DPYD: variants seen among roughly 807,000 people sequenced by gnomAD.
The protein encoded by DPYD is dihydropyrimidine dehydrogenase.
A neutral mutation model predicts 116.2 loss-of-function variants in DPYD; 109 were observed. That is an observed-to-expected ratio of 0.94 (90% confidence interval 0.80 to 1.10). DPYD has a LOEUF of 1.10. Ranked by LOEUF, DPYD falls within the 50% of genes least tolerant of loss-of-function variation. DPYD has a pLI of 0.00. For missense variants in DPYD, 1,302 were observed against 1,254.5 expected (o/e 1.04, Z -0.57); for synonymous variants, 440 against 432.0 (o/e 1.02, Z -0.23).
At chr1:97,686,636 C>CAAAAAAACAAA (rs1660748319) in intron 7 of DPYD, among the ~76,000 whole-genome samples, 1 of 10,054 alleles carries the variant, frequency 9.9e-5, no homozygotes, top group African/African-American at 3.4e-4. Context: ...GACTCTGTCT[C>CAAAAAAACAAA]AAAAAAAAAA....
intron 20 of DPYD, among the ~76,000 whole-genome samples, chr1:97,146,116 TTGTC>T (rs1557891717): frequency 6.6e-6 from 1 of 152,192 alleles, no homozygotes; most frequent in African/African-American, 2.4e-5. Flanking sequence ...TTTTGCTTTT[TTGTC>T]TGTCTGTTGA....
chr1:97,529,838 C>T (rs1649460946), intron 12 of DPYD, among the ~76,000 whole-genome samples: 1 of 145,024 alleles, frequency 6.9e-6, no homozygotes, highest in African/African-American at 2.5e-5. Context: ...TCTCTCTCTT[C>T]TCTCTCCCTT....
At chr1:97,293,840 C>T (rs6696988) in intron 18 of DPYD, among the ~76,000 whole-genome samples, 16,051 of 151,350 alleles carry the variant, frequency 0.11, 1,511 homozygotes, top group African/African-American at 0.26. Context: ...CCCAGCTACT[C>T]GGGAAGCTGA....
At chr1:97,156,258 T>C (rs1655446058) in intron 20 of DPYD, among the ~76,000 whole-genome samples, 1 of 152,108 alleles carries the variant, frequency 6.6e-6, no homozygotes, top group Non-Finnish European at 1.5e-5. Flanking sequence ...TTCTTTAGCC[T>C]CCAGGGTTCC....
chr1:97,682,943 T>C (rs1660505111), intron 7 of DPYD, among the ~76,000 whole-genome samples: 1 of 152,058 alleles, frequency 6.6e-6, no homozygotes, highest in Admixed American at 6.6e-5. Context: ...TGAGCCAAAG[T>C]TCCATCTAAT....
At chr1:97,358,058 C>T (rs777260629) in intron 16 of DPYD, among the ~76,000 whole-genome samples, 11 of 152,128 alleles carry the variant, frequency 7.2e-5, no homozygotes, top group Admixed American at 1.3e-4. Flanking sequence ...CAAGGGATGC[C>T]GTGAGAGATG....
At chr1:97,557,792 T>A (rs150183198) in intron 11 of DPYD, among the ~76,000 whole-genome samples, 1 of 152,182 alleles carries the variant, frequency 6.6e-6, no homozygotes, top group Non-Finnish European at 1.5e-5. Context: ...TAAAGAAGAA[T>A]GTTAGAAAAA....
At chr1:97,348,847 C>T (rs1043363093) in intron 16 of DPYD, among the ~76,000 whole-genome samples, 5 of 152,108 alleles carry the variant, frequency 3.3e-5, no homozygotes, top group African/African-American at 1.2e-4. Context: ...GAATATTGAT[C>T]CAGATGTTAA....
chr1:97,482,992 T>C (rs1678408762), intron 13 of DPYD, among the ~76,000 whole-genome samples: 1 of 152,186 alleles, frequency 6.6e-6, no homozygotes, highest in African/African-American at 2.4e-5. Context: ...CGCTCTCTCA[T>C]TTCACTCTCA....
At chr1:97,478,965 T>C (rs1206994977) in intron 13 of DPYD, among the ~76,000 whole-genome samples, 3 of 152,202 alleles carry the variant, frequency 2.0e-5, no homozygotes, top group Non-Finnish European at 4.4e-5. Context: ...CTTCTGCAGC[T>C]CCCTTACCTC....
At chr1:97,551,859 T>C (rs1019137600) in intron 11 of DPYD, among the ~76,000 whole-genome samples, 1 of 152,172 alleles carries the variant, frequency 6.6e-6, no homozygotes, top group Non-Finnish European at 1.5e-5. Flanking sequence ...GTGTACATAC[T>C]TTTTTCTTTC....
chr1:97,676,188 A>C (rs1171165706), intron 8 of DPYD, among the ~76,000 whole-genome samples: 2 of 152,100 alleles, frequency 1.3e-5, no homozygotes, highest in Admixed American at 6.5e-5. Flanking sequence ...AGAGACTTTC[A>C]TTTCTATCCT....
At position 97,082,263 on chromosome 1, in the gene DPYD, A is replaced by G. The variant is rs1649207305; in HGVS notation, c.2907+67T>C. The G allele has an allele frequency of 3.8e-6, 6 of 1,595,336 alleles. No individual in the cohort carries two copies. In the Admixed American group the frequency reaches 1.0e-4, roughly 27 times the overall value. On this transcript the variant is annotated intron_variant, in intron 22 of 22. Transcript: ENST00000370192. ...TAAATTTCACACATAGCAACAGAAAATGCTTTCTGCCGTAAAAACAAGAAG... is the reference window on the plus strand; with the variant it reads ...TAAATTTCACACATAGCAACAGAAAGTGCTTTCTGCCGTAAAAACAAGAAG...
At chr1:97,160,592 T>C (rs1655818754) in intron 20 of DPYD, among the ~76,000 whole-genome samples, 1 of 152,132 alleles carries the variant, frequency 6.6e-6, no homozygotes. Context: ...AGCCCCCCTC[T>C]AGTTCCCAGG....
intron 21 of DPYD, among the ~76,000 whole-genome samples, chr1:97,091,793 G>T (rs1176492282): frequency 6.6e-6 from 1 of 152,104 alleles, no homozygotes; most frequent in African/African-American, 2.4e-5. Flanking sequence ...CCCTTGCCTG[G>T]ACTGTTACAA....
rs149872308 is a variant in DPYD at position 97,423,289 on chromosome 1, T to G, written c.1905+26770A>C. ...CACTGAATTCTTGATTTTATTCAAG[T>G]CTTTGAGTAACCACACAACCTCTAA... On this transcript the variant is annotated intron_variant, in intron 14 of 22. Transcript: ENST00000370192. Among the ~76,000 whole-genome samples, 9 of 152,186 alleles carry G rather than the reference T, an allele frequency of 5.9e-5. No homozygotes were observed. The East Asian group carries it at 1.7e-3, about 29-fold the overall frequency.
At chr1:97,688,541 T>C (rs1286922694) in intron 7 of DPYD, among the ~76,000 whole-genome samples, 1 of 152,018 alleles carries the variant, frequency 6.6e-6, no homozygotes, top group Non-Finnish European at 1.5e-5. Context: ...AACTTCCAAA[T>C]TTAGTAAAAA....
At chr1:97,347,056 A>C (rs7414210) in intron 16 of DPYD, among the ~76,000 whole-genome samples, 23,452 of 151,688 alleles carry the variant, frequency 0.15, 2,212 homozygotes, top group East Asian at 0.37. Context: ...ATATGTGAAT[A>C]ATGTCATTTT....
chr1:97,645,368 C>T (rs1051773897), intron 8 of DPYD, among the ~76,000 whole-genome samples: 1 of 152,082 alleles, frequency 6.6e-6, no homozygotes, highest in Non-Finnish European at 1.5e-5. Context: ...TGAAGTTGAG[C>T]ATCTCTTCAA....
Sources: allele counts gnomAD v4.1 joint callset (sites outside exome capture counted in the v4.1 genomes callset), GRCh38; gene constraint gnomAD v4.1.1; transcripts MANE v1.5; gene names NCBI Gene and HGNC (gene_info 2026-07-23, HGNC 2026-07-21).